The following CNTN5 variants were observed in gnomAD, a reference collection of about 807,000 sequenced individuals.
CNTN5 encodes the protein contactin-5.
In CNTN5, 77 loss-of-function variants were observed where a neutral mutation model predicts 129.1. The observed-to-expected ratio is 0.60, with a 90% CI of 0.50 to 0.72. The LOEUF is 0.72. CNTN5 is among the 30% of genes least tolerant of loss of function. The pLI is 0.00. For missense variants in CNTN5, 1,478 were observed against 1,328.8 expected (o/e 1.11, Z -1.75); for synonymous variants, 509 against 465.6 (o/e 1.09, Z -1.20).
In CNTN5 at chr11:100,063,323, C is replaced by A. The variant is rs186213960; in HGVS notation, c.1162+1930C>A. Among the ~76,000 whole-genome samples, 6 of 151,678 alleles carry A rather than the reference C, an allele frequency of 4.0e-5. No homozygotes were observed. In the East Asian group the frequency reaches 1.2e-3, roughly 29 times the overall value. ...AACAATCTGGGGTGTCGTTGTCATG[C>A]ACTGTAGGCCATCTGGGTAAAGACA... On this transcript the variant is annotated intron_variant, in intron 10 of 24. Transcript: ENST00000524871.
chr11:100,040,844 G>T (rs528905743), intron 9 of CNTN5, among the ~76,000 whole-genome samples: 1 of 152,278 alleles, frequency 6.6e-6, no homozygotes, highest in African/African-American at 2.4e-5. Flanking sequence ...TTTTAGGGTG[G>T]GAGTGATCCA....
At chr11:99,974,008 A>G (rs2137319226) in intron 8 of CNTN5, among the ~76,000 whole-genome samples, 1 of 152,350 alleles carries the variant, frequency 6.6e-6, no homozygotes, top group Middle Eastern at 3.4e-3. Context: ...AAAATATTTT[A>G]AAACTCAGTG....
intron 4 of CNTN5, among the ~76,000 whole-genome samples, chr11:99,838,001 A>G (rs1301372915): frequency 3.9e-5 from 6 of 152,132 alleles, no homozygotes; most frequent in African/African-American, 1.4e-4. Context: ...AAAATACAGA[A>G]AATATGTCAA....
intron 1 of CNTN5, among the ~76,000 whole-genome samples, chr11:99,066,086 A>G (rs1865089917): frequency 6.6e-6 from 1 of 152,100 alleles, no homozygotes; most frequent in African/African-American, 2.4e-5. Flanking sequence ...CATATATTCA[A>G]ATAACTTTTT....
intron 16 of CNTN5, among the ~76,000 whole-genome samples, chr11:100,228,939 C>A (rs1430982453): frequency 6.6e-6 from 1 of 152,080 alleles, no homozygotes; most frequent in African/African-American, 2.4e-5. Flanking sequence ...ACACAGGACC[C>A]CTTGTTCAAA....
intron 3 of CNTN5, chr11:99,558,372 T>A (rs1565294328): frequency 3.4e-6 from 1 of 295,812 alleles, no homozygotes; most frequent in Non-Finnish European, 6.8e-6. Flanking sequence ...AAGTTTTGTG[T>A]GTATGTTTTT....
intron 1 of CNTN5, among the ~76,000 whole-genome samples, chr11:99,177,565 G>A (rs947516497): frequency 2.6e-5 from 4 of 152,156 alleles, no homozygotes; most frequent in Non-Finnish European, 4.4e-5. Context: ...ACAAAATCTT[G>A]GTGTTATGCA....
chr11:99,850,429 G>T (rs1947836375), intron 6 of CNTN5, among the ~76,000 whole-genome samples: 1 of 151,996 alleles, frequency 6.6e-6, no homozygotes, highest in Admixed American at 6.6e-5. Context: ...TGGTGATGTA[G>T]CAAAAATAAA....
intron 1 of CNTN5, among the ~76,000 whole-genome samples, chr11:99,152,724 G>C (rs559773259): frequency 6.6e-6 from 1 of 152,152 alleles, no homozygotes; most frequent in Non-Finnish European, 1.5e-5. Flanking sequence ...TTCATTGTGT[G>C]GTTGCTTTAT....
At chr11:99,290,705 AG>A (rs1006739171) in intron 1 of CNTN5, among the ~76,000 whole-genome samples, 2 of 151,862 alleles carry the variant, frequency 1.3e-5, no homozygotes, top group African/African-American at 4.8e-5. Flanking sequence ...TGGAATTGAA[AG>A]GTACATCATC....
At chr11:99,267,768 C>T (rs950473176) in intron 1 of CNTN5, among the ~76,000 whole-genome samples, 2 of 151,978 alleles carry the variant, frequency 1.3e-5, no homozygotes, top group African/African-American at 4.8e-5. Flanking sequence ...AATGCACTAA[C>T]ACATTGCAGT....
At chr11:100,303,635 C>A (rs1313142540) in intron 20 of CNTN5, among the ~76,000 whole-genome samples, 1 of 151,514 alleles carries the variant, frequency 6.6e-6, no homozygotes, top group Non-Finnish European at 1.5e-5. Context: ...AAATGTCCTG[C>A]TCATATATTT....
At chr11:99,968,790 T>C (rs896812224) in intron 8 of CNTN5, among the ~76,000 whole-genome samples, 1 of 151,176 alleles carries the variant, frequency 6.6e-6, no homozygotes, top group Non-Finnish European at 1.5e-5. Flanking sequence ...CAATTATGGA[T>C]AGTTCTAAGG....
chr11:99,025,856 G>T (rs1408393446), intron 1 of CNTN5, among the ~76,000 whole-genome samples: 1 of 151,548 alleles, frequency 6.6e-6, no homozygotes, highest in African/African-American at 2.4e-5. Context: ...GTTATACTTA[G>T]AAGTATTAAG....
chr11:99,636,382 TTC>T (rs200500790), intron 3 of CNTN5, among the ~76,000 whole-genome samples: 1,197 of 12,586 alleles, frequency 0.095, 14 homozygotes, highest in African/African-American at 0.2. Context: ...CTTTTTTTTT[TTC>T]TTTTTTTTTG....
intron 6 of CNTN5, among the ~76,000 whole-genome samples, chr11:99,913,571 T>C (rs1421250688): frequency 1.3e-5 from 2 of 152,072 alleles, no homozygotes; most frequent in African/African-American, 4.8e-5. Flanking sequence ...TTTGCTTGTA[T>C]TAAAAGCTGG....
chr11:99,348,270 C>T (rs1322699121), intron 2 of CNTN5, among the ~76,000 whole-genome samples: 3 of 151,980 alleles, frequency 2.0e-5, no homozygotes, highest in East Asian at 1.9e-4. Context: ...ACCCAGGAGG[C>T]GGAGCTTGCA....
chr11:100,083,375 A>G (rs1944432979), intron 13 of CNTN5, among the ~76,000 whole-genome samples: 1 of 137,214 alleles, frequency 7.3e-6, no homozygotes, highest in Admixed American at 7.4e-5. Flanking sequence ...ACAACCACAT[A>G]TTTAGTGAAC....
chr11:99,745,052 G>T (rs750311101), intron 3 of CNTN5, among the ~76,000 whole-genome samples: 3 of 152,114 alleles, frequency 2.0e-5, no homozygotes, highest in Non-Finnish European at 2.9e-5. Flanking sequence ...TGGGAAAAAA[G>T]CACACGTAAG....
Sources: allele counts gnomAD v4.1 joint callset (sites outside exome capture counted in the v4.1 genomes callset), GRCh38; gene constraint gnomAD v4.1.1; transcripts MANE v1.5; gene names NCBI Gene and HGNC (gene_info 2026-07-23, HGNC 2026-07-21).